MRPS28: variants seen among roughly 807,000 people sequenced by gnomAD.
MRPS28 encodes the protein small ribosomal subunit protein bS1m.
Under a neutral mutation model 10.8 loss-of-function variants are expected in MRPS28, and 7 were observed. The observed-to-expected ratio is 0.65, with a 90% CI of 0.37 to 1.22. The LOEUF (loss-of-function observed/expected upper bound fraction) is 1.22. Ranked by LOEUF, MRPS28 falls within the 50% of genes most tolerant of loss-of-function variation. MRPS28 has a pLI of 0.02. For missense variants in MRPS28, 265 were observed against 232.9 expected (o/e 1.14, Z -0.90); for synonymous variants, 121 against 93.3 (o/e 1.30, Z -1.71).
intron 1 of MRPS28, among the ~76,000 whole-genome samples, chr8:80,019,242 T>C (rs1193405507): frequency 6.6e-6 from 1 of 150,522 alleles, no homozygotes; most frequent in Non-Finnish European, 1.5e-5. Context: ...AAGGAATGGA[T>C]ACTCTATTTA....
chr8:79,929,577 G>T (rs866177139), intron 2 of MRPS28, among the ~76,000 whole-genome samples: 1 of 151,970 alleles, frequency 6.6e-6, no homozygotes, highest in Admixed American at 6.6e-5. Flanking sequence ...AAAAGGTGAC[G>T]GTACTTATTT....
At chr8:80,002,765 G>A (rs1808693248) in intron 2 of MRPS28, among the ~76,000 whole-genome samples, 1 of 152,190 alleles carries the variant, frequency 6.6e-6, no homozygotes, top group African/African-American at 2.4e-5. Flanking sequence ...CTTATTATCA[G>A]GATGAACATT....
chr8:79,998,396 A>T (rs1041267635), intron 2 of MRPS28, among the ~76,000 whole-genome samples: 6 of 152,226 alleles, frequency 3.9e-5, no homozygotes, highest in African/African-American at 1.4e-4. Flanking sequence ...ATAAGGTCCC[A>T]TGCATGTCTC....
intron 2 of MRPS28, among the ~76,000 whole-genome samples, chr8:79,942,319 A>G (rs563735050): frequency 1.3e-5 from 2 of 152,310 alleles, no homozygotes; most frequent in Admixed American, 6.5e-5. Context: ...GGTGAAAATA[A>G]AGTCACAATT....
chr8:79,950,572 G>A (rs1367047670), intron 2 of MRPS28, among the ~76,000 whole-genome samples: 1 of 151,946 alleles, frequency 6.6e-6, no homozygotes, highest in African/African-American at 2.4e-5. Flanking sequence ...ACACACACAA[G>A]CACAATTACA....
chr8:79,988,473 CCTAA>C (rs1334477457), intron 2 of MRPS28, among the ~76,000 whole-genome samples: 3 of 149,856 alleles, frequency 2.0e-5, no homozygotes, highest in Non-Finnish European at 4.5e-5. Flanking sequence ...AAGAAAGAAA[CCTAA>C]CTGTGATATA....
intron 2 of MRPS28, among the ~76,000 whole-genome samples, chr8:79,970,435 T>C (rs1807603383): frequency 6.6e-6 from 1 of 152,206 alleles, no homozygotes; most frequent in Non-Finnish European, 1.5e-5. Flanking sequence ...ACACAGAGGA[T>C]AGTTGGTAAA....
chr8:80,008,128 A>G (rs557144622), intron 1 of MRPS28, among the ~76,000 whole-genome samples: 1 of 152,192 alleles, frequency 6.6e-6, no homozygotes. Context: ...GTGTATCTAC[A>G]ACTATCTGAT....
intron 2 of MRPS28, among the ~76,000 whole-genome samples, chr8:79,938,830 T>C (rs1563521055): frequency 6.6e-6 from 1 of 152,188 alleles, no homozygotes; most frequent in Non-Finnish European, 1.5e-5. Context: ...GAGTTCTCTG[T>C]TGAGGGAGCC....
chr8:79,972,574 A>C (rs1289392022), intron 2 of MRPS28, among the ~76,000 whole-genome samples: 1 of 152,246 alleles, frequency 6.6e-6, no homozygotes, highest in African/African-American at 2.4e-5. Context: ...ACTGTCTTTG[A>C]AAATGACTGC....
intron 2 of MRPS28, among the ~76,000 whole-genome samples, chr8:79,966,004 AAAAG>A (rs1807494318): frequency 6.6e-6 from 1 of 152,082 alleles, no homozygotes; most frequent in African/African-American, 2.4e-5. Context: ...CTGATTTTAA[AAAAG>A]AAAGGTAACA....
rs144326990 is a variant in MRPS28, at chr8:79,955,131, C to T, written c.396-35983G>A. On this transcript the variant is annotated intron_variant, in intron 2 of 2. Coordinates refer to ENST00000276585, the MANE Select transcript of MRPS28 (RefSeq NM_014018.3). ...GTACTGCTTTAAGTTATTCTGAGGT[C>T]TTGCCTTTCTATAGACCCAGTTTTC... Among the ~76,000 whole-genome samples, 801 of 152,304 alleles carry T rather than the reference C, an allele frequency of 5.3e-3. 3 individuals carry two copies. Among genetic ancestry groups the T allele is most frequent in the Non-Finnish European group, 8.4e-3 (573 of 68,030 alleles).
chr8:79,942,907 T>G (rs569758432), intron 2 of MRPS28, among the ~76,000 whole-genome samples: 1 of 152,078 alleles, frequency 6.6e-6, no homozygotes, highest in Non-Finnish European at 1.5e-5. Flanking sequence ...AAATAAAAAA[T>G]AAATTTAAAA....
chr8:79,932,383 G>A (rs761983484), intron 2 of MRPS28, among the ~76,000 whole-genome samples: 3 of 152,172 alleles, frequency 2.0e-5, no homozygotes, highest in Non-Finnish European at 4.4e-5. Context: ...AGCCAGCTGT[G>A]CAAAGATGGG....
At chr8:79,919,435 G>A (rs995823599) in intron 2 of MRPS28, among the ~76,000 whole-genome samples, 1 of 151,548 alleles carries the variant, frequency 6.6e-6, no homozygotes, top group Non-Finnish European at 1.5e-5. Context: ...CAAACTTCTG[G>A]GCTCAAGCGA....
Position 79,928,457 on chromosome 8 carries a change from T to A in MRPS28, c.396-9309A>T, listed in dbSNP as rs565794698. ...ATTTGGAGTATATATATATATATAT[T>A]TTTTGAGACACAGTCTCTGTCACTC... On this transcript the variant is annotated intron_variant, in intron 2 of 2. Coordinates refer to ENST00000276585, the MANE Select transcript of MRPS28 (RefSeq NM_014018.3). Among the ~76,000 whole-genome samples, 320 of 150,700 alleles carry A rather than the reference T, an allele frequency of 2.1e-3. 1 individual carries two copies. Among genetic ancestry groups the A allele is most frequent in the African/African-American group, 5.7e-3 (232 of 40,374 alleles).
At chr8:80,016,705 T>C (rs2123268) in intron 1 of MRPS28, among the ~76,000 whole-genome samples, 88,780 of 152,080 alleles carry the variant, frequency 0.58, 28,619 homozygotes, top group East Asian at 0.79. Flanking sequence ...TAACAGTTTG[T>C]TCATGTTAAA....
At chr8:79,958,455 T>C (rs1207741870) in intron 2 of MRPS28, 1 of 648,384 alleles carries the variant, frequency 1.5e-6, no homozygotes, top group Non-Finnish European at 2.7e-6. Context: ...GGAGAAAATG[T>C]TGAGATTCAG....
chr8:80,014,443 G>A (rs1809142391), intron 1 of MRPS28, among the ~76,000 whole-genome samples: 1 of 152,172 alleles, frequency 6.6e-6, no homozygotes, highest in Non-Finnish European at 1.5e-5. Flanking sequence ...CAGCTGTGCA[G>A]CAAGCATATG....
Sources: allele counts gnomAD v4.1 joint callset (sites outside exome capture counted in the v4.1 genomes callset), GRCh38; gene constraint gnomAD v4.1.1; transcripts MANE v1.5; gene names NCBI Gene and HGNC (gene_info 2026-07-23, HGNC 2026-07-21).